Variants in KCNU1 observed in about 807,000 individuals in gnomAD.
KCNU1 encodes potassium channel subfamily U member 1.
In KCNU1, 93 loss-of-function variants were observed where a neutral mutation model predicts 126.8. The observed-to-expected ratio is 0.73, with a 90% CI of 0.62 to 0.87. The LOEUF is 0.87. KCNU1 is among the 40% of genes least tolerant of loss of function. The probability of loss-of-function intolerance (pLI) is 0.00; values close to 1 mark genes in which losing one functional copy is unlikely to be tolerated. For missense variants in KCNU1, 1,330 were observed against 1,367.1 expected, an observed-to-expected ratio of 0.97 and a Z score of 0.43; for synonymous variants, 523 against 494.2, an observed-to-expected ratio of 1.06 and a Z score of -0.77.
chr8:36,903,418 T>C (rs948869703), intron 19 of KCNU1, among the ~76,000 whole-genome samples: 1 of 152,142 alleles, frequency 6.6e-6, no homozygotes, highest in Non-Finnish European at 1.5e-5. Context: ...TGGGAGAACA[T>C]TGTTATCAGT....
intron 10 of KCNU1, among the ~76,000 whole-genome samples, chr8:36,827,971 T>G (rs1363700584): frequency 6.6e-6 from 1 of 152,164 alleles, no homozygotes; most frequent in Non-Finnish European, 1.5e-5. Context: ...TCATCAATTG[T>G]GAGAATTGCA....
intron 22 of KCNU1, among the ~76,000 whole-genome samples, chr8:36,912,223 T>C (rs903006714): frequency 6.6e-6 from 1 of 152,194 alleles, no homozygotes; most frequent in Admixed American, 6.5e-5. Flanking sequence ...TCGATAACAA[T>C]GTTCGTGATT....
At chr8:36,920,823 T>G (rs1175066914) in intron 23 of KCNU1, among the ~76,000 whole-genome samples, 2 of 152,222 alleles carry the variant, frequency 1.3e-5, no homozygotes, top group African/African-American at 4.8e-5. Context: ...TAGTCATACC[T>G]TGCTCATCTT....
At chr8:36,881,838 A>G (rs1465494363) in intron 19 of KCNU1, among the ~76,000 whole-genome samples, 1 of 140,274 alleles carries the variant, frequency 7.1e-6, no homozygotes, top group Non-Finnish European at 1.6e-5. Context: ...ACACACACAC[A>G]CACACATTCA....
intron 18 of KCNU1, among the ~76,000 whole-genome samples, chr8:36,851,053 G>A (rs1422492605): frequency 6.6e-6 from 1 of 152,012 alleles, no homozygotes; most frequent in Non-Finnish European, 1.5e-5. Context: ...ATATTATTTT[G>A]TTTAATCTGG....
chr8:36,862,751 A>G (rs1313605297), intron 18 of KCNU1, among the ~76,000 whole-genome samples: 1 of 152,190 alleles, frequency 6.6e-6, no homozygotes, highest in Non-Finnish European at 1.5e-5. Flanking sequence ...TTTTTTTAAC[A>G]GCTGACACAT....
chr8:36,799,059 G>T (rs924378651), intron 2 of KCNU1, among the ~76,000 whole-genome samples: 4 of 152,174 alleles, frequency 2.6e-5, no homozygotes, highest in Non-Finnish European at 5.9e-5. Flanking sequence ...GCACCGGGGT[G>T]CAGAAGCTCA....
chr8:36,846,446 C>A (rs1226271056), intron 18 of KCNU1, among the ~76,000 whole-genome samples: 3 of 152,150 alleles, frequency 2.0e-5, no homozygotes, highest in African/African-American at 7.2e-5. Flanking sequence ...CCCCTTTCCA[C>A]TTAATGGCAG....
intron 24 of KCNU1, among the ~76,000 whole-genome samples, chr8:36,927,078 A>G (rs766576015): frequency 5.9e-5 from 9 of 152,138 alleles, no homozygotes; most frequent in South Asian, 2.1e-4. Flanking sequence ...AATAAACACC[A>G]AGAATAAATG....
At chr8:36,921,515 C>T (rs1808344823) in intron 23 of KCNU1, among the ~76,000 whole-genome samples, 1 of 151,926 alleles carries the variant, frequency 6.6e-6, no homozygotes, top group Non-Finnish European at 1.5e-5. Flanking sequence ...CCTATCTCTA[C>T]TAAAAATACA....
intron 1 of KCNU1, among the ~76,000 whole-genome samples, chr8:36,786,426 A>G (rs1484522690): frequency 6.6e-6 from 1 of 152,210 alleles, no homozygotes; most frequent in East Asian, 1.9e-4. Context: ...GTGAACTTTT[A>G]TCAAAGAGTT....
intron 19 of KCNU1, among the ~76,000 whole-genome samples, chr8:36,899,463 G>T (rs1807330893): frequency 1.3e-5 from 2 of 152,006 alleles, no homozygotes; most frequent in Non-Finnish European, 2.9e-5. Context: ...ACTGAAATAA[G>T]ATTATACTGA....
chr8:36,893,625 C>T (rs1807065696), intron 19 of KCNU1, among the ~76,000 whole-genome samples: 1 of 151,984 alleles, frequency 6.6e-6, no homozygotes, highest in African/African-American at 2.4e-5. Context: ...TTGATGGCTA[C>T]TGTTGAACTA....
chr8:36,920,138 T>G (rs1808285856), intron 23 of KCNU1, among the ~76,000 whole-genome samples: 1 of 152,186 alleles, frequency 6.6e-6, no homozygotes, highest in African/African-American at 2.4e-5. Context: ...ACTCCTGAGC[T>G]GTACACAGTT....
intron 18 of KCNU1, among the ~76,000 whole-genome samples, chr8:36,863,641 G>A (rs371115516): frequency 1.3e-5 from 2 of 152,150 alleles, no homozygotes; most frequent in Non-Finnish European, 2.9e-5. Flanking sequence ...CCAGAGGGTT[G>A]GAAATGATTC....
intron 19 of KCNU1, among the ~76,000 whole-genome samples, chr8:36,882,822 A>G (rs1457635545): frequency 6.6e-6 from 1 of 152,088 alleles, no homozygotes; most frequent in East Asian, 1.9e-4. Flanking sequence ...ACCTCAGGTG[A>G]TCCTCCCACC....
At chr8:36,827,682 A>G (rs990978904) in intron 10 of KCNU1, among the ~76,000 whole-genome samples, 3 of 152,192 alleles carry the variant, frequency 2.0e-5, no homozygotes, top group African/African-American at 7.2e-5. Flanking sequence ...TTAATATTGT[A>G]TGTATGCAAA....
rs148904613 is a variant in KCNU1, at chr8:36,827,152, G to A, written c.1107-6402G>A. Among the ~76,000 whole-genome samples the A allele has an allele frequency of 1.9e-4, 29 of 152,274 alleles. No homozygotes were observed. In the East Asian group the frequency reaches 5.4e-3, roughly 28 times the overall value. ...ATGATGTTACCTTCTTCCAGAGAGT[G>A]TATTTCTTTACTTCTTTGAAACACA... On this transcript the variant is annotated intron_variant, in intron 10 of 26. Coordinates refer to ENST00000399881, the MANE Select transcript of KCNU1 (RefSeq NM_001031836.3).
At chr8:36,906,571 C>T (rs111250751) in intron 20 of KCNU1, among the ~76,000 whole-genome samples, 2,629 of 152,192 alleles carry the variant, frequency 0.017, 82 homozygotes, top group African/African-American at 0.06. Context: ...AAAATGATTG[C>T]TTGCATGCTG....
Sources: allele counts gnomAD v4.1 joint callset (sites outside exome capture counted in the v4.1 genomes callset), GRCh38; gene constraint gnomAD v4.1.1; transcripts MANE v1.5; gene names NCBI Gene and HGNC (gene_info 2026-07-23, HGNC 2026-07-21).